The following BBS9 variants were observed in gnomAD, a reference collection of about 807,000 sequenced individuals.
BBS9 encodes the protein Bardet-Biedl syndrome 9, also known as protein PTHB1.
BBS9 carries 89 observed loss-of-function variants against 117.7 expected under a neutral mutation model. The ratio of observed to expected loss-of-function variants is 0.76; its 90% CI spans 0.64 to 0.90. The LOEUF (loss-of-function observed/expected upper bound fraction) is 0.90. Ranked by LOEUF, BBS9 falls within the 40% of genes least tolerant of loss-of-function variation. The probability of loss-of-function intolerance (pLI) is 0.00; values close to 1 mark genes in which losing one functional copy is unlikely to be tolerated. For synonymous variants in BBS9, 379 were observed against 370.9 expected, an observed-to-expected ratio of 1.02 and a Z score of -0.25; for missense variants, 982 against 1,042.2, an observed-to-expected ratio of 0.94 and a Z score of 0.80.
chr7:33,312,205 T>C (rs1809412751), intron 9 of BBS9, among the ~76,000 whole-genome samples: 1 of 151,640 alleles, frequency 6.6e-6, no homozygotes, highest in Admixed American at 6.6e-5. Flanking sequence ...GATTAACATT[T>C]TATAATGTTC....
At chr7:33,200,041 T>C (rs1785583160) in intron 5 of BBS9, among the ~76,000 whole-genome samples, 1 of 151,910 alleles carries the variant, frequency 6.6e-6, no homozygotes, top group Admixed American at 6.5e-5. Flanking sequence ...GTTCACTCCT[T>C]ATCTCTAGAT....
intron 20 of BBS9, among the ~76,000 whole-genome samples, chr7:33,510,040 AC>A (rs1846703771): frequency 6.6e-6 from 1 of 152,142 alleles, no homozygotes; most frequent in East Asian, 1.9e-4. Flanking sequence ...TTGTGGGGAT[AC>A]CCCTTTTCAT....
intron 5 of BBS9, among the ~76,000 whole-genome samples, chr7:33,188,714 T>C (rs1272694825): frequency 6.6e-6 from 1 of 152,184 alleles, no homozygotes; most frequent in Non-Finnish European, 1.5e-5. Context: ...GATTTGGTCA[T>C]TTGCAAGTCA....
intron 4 of BBS9, among the ~76,000 whole-genome samples, chr7:33,167,326 G>T (rs1188386322): frequency 6.6e-6 from 1 of 151,644 alleles, no homozygotes; most frequent in East Asian, 1.9e-4. Flanking sequence ...GTATTTTCTT[G>T]GTATTGAATA....
intron 1 of BBS9, among the ~76,000 whole-genome samples, chr7:33,133,184 T>C (rs539856227): frequency 6.6e-6 from 1 of 152,224 alleles, no homozygotes; most frequent in Non-Finnish European, 1.5e-5. Flanking sequence ...GCATGAAGAA[T>C]AACAAAATGA....
chr7:33,596,373 A>ATCTATCTG (rs1862798006), intron 21 of BBS9, among the ~76,000 whole-genome samples: 1 of 150,206 alleles, frequency 6.7e-6, no homozygotes, highest in Admixed American at 6.6e-5. Context: ...CTATCTATCT[A>ATCTATCTG]TCTATCTATC....
rs577796801 is a variant in BBS9 at position 33,317,155 on chromosome 7, ATTGAGC to A, written c.1017-19285_1017-19280del. ...ACTTTGGCATCTTTGTTGAAAACCA[ATTGAGC>A]ATATGAGCATGGGTTTGTTTCTGGA... is the stretch of plus-strand genomic sequence containing the variant. On this transcript the variant is annotated intron_variant, in intron 9 of 22. Transcript: ENST00000242067. Among the ~76,000 whole-genome samples the A allele has an allele frequency of 5.4e-4, 82 of 152,270 alleles. No homozygotes were observed. The East Asian group carries it at 0.013, about 25-fold the overall frequency.
chr7:33,554,187 G>A (rs963837767), intron 21 of BBS9, among the ~76,000 whole-genome samples: 1 of 152,094 alleles, frequency 6.6e-6, no homozygotes, highest in Non-Finnish European at 1.5e-5. Context: ...TACCTCTCAT[G>A]GTAAGGAATT....
intron 16 of BBS9, among the ~76,000 whole-genome samples, chr7:33,361,272 T>A (rs1820566060): frequency 6.6e-6 from 1 of 152,242 alleles, no homozygotes; most frequent in African/African-American, 2.4e-5. Flanking sequence ...TTTACTTAAA[T>A]GTAATAACAG....
chr7:33,469,057 T>C (rs1426374928), intron 19 of BBS9, among the ~76,000 whole-genome samples: 1 of 151,966 alleles, frequency 6.6e-6, no homozygotes, highest in African/African-American at 2.4e-5. Context: ...CTTTTGGAGG[T>C]TTTATTAATA....
intron 6 of BBS9, among the ~76,000 whole-genome samples, chr7:33,263,407 G>A (rs1798291344): frequency 6.6e-6 from 1 of 152,064 alleles, no homozygotes; most frequent in African/African-American, 2.4e-5. Flanking sequence ...GCATCTGTGA[G>A]TCTGTAGTTG....
intron 9 of BBS9, among the ~76,000 whole-genome samples, chr7:33,312,672 A>G (rs1368794282): frequency 6.6e-6 from 1 of 152,154 alleles, no homozygotes; most frequent in Non-Finnish European, 1.5e-5. Flanking sequence ...GTAGGAACAC[A>G]TGTATTTTAA....
intron 21 of BBS9, among the ~76,000 whole-genome samples, chr7:33,590,548 T>C (rs945794755): frequency 3.3e-5 from 5 of 150,980 alleles, no homozygotes; most frequent in African/African-American, 1.2e-4. Flanking sequence ...TAGATAGCTA[T>C]AGTTGCTGCT....
At chr7:33,468,381 A>T (rs1209390081) in intron 19 of BBS9, among the ~76,000 whole-genome samples, 1 of 152,148 alleles carries the variant, frequency 6.6e-6, no homozygotes, top group Non-Finnish European at 1.5e-5. Context: ...GCATTCAGAG[A>T]CCACTCTGTT....
intron 19 of BBS9, among the ~76,000 whole-genome samples, chr7:33,455,462 C>A (rs1035731695): frequency 4.6e-5 from 7 of 152,130 alleles, no homozygotes; most frequent in Non-Finnish European, 1.0e-4. Flanking sequence ...GCTTACTAAC[C>A]CAGAAAGAAA....
At chr7:33,511,515 G>A (rs1403744661) in intron 20 of BBS9, among the ~76,000 whole-genome samples, 1 of 152,050 alleles carries the variant, frequency 6.6e-6, no homozygotes, top group African/African-American at 2.4e-5. Context: ...TTTAAAGTAC[G>A]TTCAATGTCT....
intron 18 of BBS9, among the ~76,000 whole-genome samples, chr7:33,386,333 A>G (rs1825998299): frequency 1.3e-5 from 2 of 152,038 alleles, no homozygotes; most frequent in African/African-American, 4.8e-5. Context: ...ACTTCTGAGC[A>G]TTTTGAATAT....
rs1584591190 is a variant in BBS9 at position 33,384,142 on chromosome 7, G to A, written c.1962+304G>A. The stretch of plus-strand genomic sequence containing the variant: ...ATAACCCAGTGTTAAAACTATTTGA[G>A]CTTATCGGAGGCCATTTGGCTAACT... On this transcript the variant is annotated intron_variant, in intron 18 of 22. Transcript: ENST00000242067. Among the ~76,000 whole-genome samples the A allele has an allele frequency of 2.0e-5, 3 of 152,178 alleles. No homozygotes were observed. In the East Asian group the frequency reaches 5.8e-4, roughly 29 times the overall value.
At chr7:33,179,184 A>G (rs555634176) in intron 5 of BBS9, among the ~76,000 whole-genome samples, 13 of 152,342 alleles carry the variant, frequency 8.5e-5, no homozygotes, top group African/African-American at 2.6e-4. Flanking sequence ...TAAATTCCAT[A>G]CATCATAAAA....
Sources: gnomAD v4.1 joint callset for allele counts (sites outside exome capture counted in the v4.1 genomes callset) on GRCh38, gnomAD v4.1.1 for gene constraint, MANE v1.5 for transcripts, NCBI Gene and HGNC (gene_info 2026-07-23, HGNC 2026-07-21) for gene names.